BTG4: variants seen among roughly 807,000 people sequenced by gnomAD.
BTG4 encodes protein BTG4.
A neutral mutation model predicts 19.3 loss-of-function variants in BTG4; 10 were observed. That is an observed-to-expected ratio of 0.52 (90% confidence interval 0.32 to 0.88). BTG4 has a LOEUF of 0.88. Ranked by LOEUF, BTG4 falls within the 40% of genes least tolerant of loss-of-function variation. The pLI is 0.04. For missense variants in BTG4, 238 were observed against 281.9 expected, an observed-to-expected ratio of 0.84 and a Z score of 1.11; for synonymous variants, 91 against 95.7, an observed-to-expected ratio of 0.95 and a Z score of 0.29.
the BTG4 span, chr11:111,448,404 G>T: frequency 7.4e-4 from 113 of 152,804 alleles, no homozygotes; most frequent in Middle Eastern, 3.4e-3. Flanking sequence ...ACCGCTCCTG[G>T]AAGCTAAGTC....
intron 1 of BTG4, among the ~76,000 whole-genome samples, chr11:111,505,624 A>G (rs991713377): frequency 6.6e-6 from 1 of 152,096 alleles, no homozygotes; most frequent in African/African-American, 2.4e-5. Flanking sequence ...AAACGAAGAT[A>G]GAGAAATAGG....
chr11:111,398,528 A>G, the BTG4 span, among the ~76,000 whole-genome samples: 1 of 151,858 alleles, frequency 6.6e-6, no homozygotes, highest in African/African-American at 2.4e-5. Flanking sequence ...ATCTCGGCTC[A>G]CTGCATGCTC....
chr11:111,401,073 A>AAAAAC, the BTG4 span: 1 of 151,542 alleles, frequency 6.6e-6, no homozygotes, highest in African/African-American at 2.4e-5. Flanking sequence ...AAAAAAAAAA[A>AAAAAC]AAAAAAAACA....
intron 2 of BTG4, 73 bp from the exon 3 acceptor site, chr11:111,498,208 C>A: frequency 6.6e-7 from 1 of 1,519,712 alleles, no homozygotes; most frequent in Non-Finnish European, 9.0e-7. Context: ...TATGCACATA[C>A]TGTTCCAATA....
At chr11:111,385,318 G>C in the BTG4 span, 1 of 152,044 alleles carries the variant, frequency 6.6e-6, no homozygotes, top group African/African-American at 2.4e-5. Flanking sequence ...AAGTTGGCAG[G>C]ATAGGTTCAA....
At chr11:111,465,663 A>G (rs904593462), downstream of BTG4, among the ~76,000 whole-genome samples, 1 of 152,126 alleles carries the variant, frequency 6.6e-6, no homozygotes, top group Non-Finnish European at 1.5e-5. Flanking sequence ...TGCTTCCTCA[A>G]ATGAAAAGTT....
At chr11:111,451,121 C>A in the BTG4 span, 1 of 214,944 alleles carries the variant, frequency 4.7e-6, no homozygotes, top group South Asian at 7.5e-5. Flanking sequence ...TGAGCATTAC[C>A]CAGAGTATGA....
the BTG4 span, among the ~76,000 whole-genome samples, chr11:111,431,971 A>C: frequency 0.15 from 22,382 of 152,186 alleles, 2,214 homozygotes; most frequent in African/African-American, 0.28. Context: ...TCAGGAAACA[A>C]AGCTAGAGCC....
At chr11:111,495,471 C>T (rs969381137) in intron 4 of BTG4, among the ~76,000 whole-genome samples, 157 bp from the exon 5 acceptor site, 8 of 152,106 alleles carry the variant, frequency 5.3e-5, no homozygotes, top group Non-Finnish European at 7.4e-5. Context: ...TAGCACTTGG[C>T]GGGAACATAA....
intron 1 of BTG4, among the ~76,000 whole-genome samples, chr11:111,505,520 T>C (rs1047502209): frequency 3.3e-5 from 5 of 151,868 alleles, no homozygotes; most frequent in African/African-American, 1.2e-4. Context: ...ACTGAAACTA[T>C]AAAAATCCTA....
downstream of BTG4, among the ~76,000 whole-genome samples, chr11:111,465,880 A>C (rs1863691852): frequency 6.6e-6 from 1 of 152,150 alleles, no homozygotes; most frequent in Non-Finnish European, 1.5e-5. Context: ...TAAAATACTT[A>C]CTATCTGGCC....
the BTG4 span, among the ~76,000 whole-genome samples, chr11:111,395,304 C>T: frequency 2.0e-5 from 3 of 152,328 alleles, no homozygotes; most frequent in African/African-American, 7.2e-5. Flanking sequence ...TGGACTGTCA[C>T]CTCCGCAGGC....
the BTG4 span, chr11:111,459,585 A>C: frequency 7.6e-6 from 1 of 131,278 alleles, no homozygotes; most frequent in African/African-American, 2.5e-5. Flanking sequence ...CTTAACCCGC[A>C]ACTCCTCCTC....
At chr11:111,475,463 G>GATAT (rs140876860) in intron 5 of BTG4, 3 of 151,386 alleles carry the variant, frequency 2.0e-5, no homozygotes, top group South Asian at 2.1e-4. Context: ...AAAGTAGATG[G>GATAT]ATATATATAT....
chr11:111,440,469 A>C, the BTG4 span, among the ~76,000 whole-genome samples: 2 of 152,242 alleles, frequency 1.3e-5, no homozygotes, highest in African/African-American at 4.8e-5. Flanking sequence ...CAAATAGAAC[A>C]TCACAGTTAC....
intron 5 of BTG4, among the ~76,000 whole-genome samples, chr11:111,468,209 C>G (rs193189966): frequency 7.5e-4 from 115 of 152,318 alleles, no homozygotes; most frequent in African/African-American, 2.7e-3. Flanking sequence ...ATATGGTACT[C>G]TCCACACATT....
intron 5 of BTG4, among the ~76,000 whole-genome samples, chr11:111,487,839 C>T (rs756480350): frequency 6.6e-6 from 1 of 151,878 alleles, no homozygotes; most frequent in African/African-American, 2.4e-5. Flanking sequence ...GAAAAAGAAA[C>T]CAAGAAGCTA....
the BTG4 span, among the ~76,000 whole-genome samples, chr11:111,391,068 T>C: frequency 6.6e-6 from 1 of 152,212 alleles, no homozygotes; most frequent in African/African-American, 2.4e-5. Context: ...ATAGAGTATG[T>C]GCTCGATAAA....
At chr11:111,510,209 C>A (rs1480429934) in intron 1 of BTG4, among the ~76,000 whole-genome samples, 1 of 152,158 alleles carries the variant, frequency 6.6e-6, no homozygotes. Flanking sequence ...AACCCCCGGC[C>A]TGTCTCCACC....
Sources: allele counts gnomAD v4.1 joint callset (sites outside exome capture counted in the v4.1 genomes callset), GRCh38; gene constraint gnomAD v4.1.1; transcripts MANE v1.5; gene names NCBI Gene and HGNC (gene_info 2026-07-23, HGNC 2026-07-21).